The following GRID2 variants were observed in gnomAD, a reference collection of about 807,000 sequenced individuals.
The protein encoded by GRID2 is glutamate ionotropic receptor delta type subunit 2.
A neutral mutation model predicts 114.8 loss-of-function variants in GRID2; 33 were observed. The ratio of observed to expected loss-of-function variants is 0.29; its 90% CI spans 0.22 to 0.38. The LOEUF (loss-of-function observed/expected upper bound fraction) is 0.38, where lower values mean the gene tolerates loss of function less well. Ranked by LOEUF, GRID2 falls within the 10% of genes least tolerant of loss-of-function variation. The pLI, the probability that GRID2 is intolerant of heterozygous loss-of-function variation, is 1.00. For missense variants in GRID2, 1,184 were observed against 1,257.7 expected (o/e 0.94, Z 0.89); for synonymous variants, 505 against 449.9 (o/e 1.12, Z -1.55).
intron 14 of GRID2, among the ~76,000 whole-genome samples, chr4:93,680,529 A>G (rs1291139797): frequency 1.3e-5 from 2 of 151,532 alleles, no homozygotes; most frequent in Non-Finnish European, 1.5e-5. Flanking sequence ...AAAATCCTCA[A>G]TAAAATACTG....
At chr4:93,764,355 A>G (rs1733456823) in intron 14 of GRID2, among the ~76,000 whole-genome samples, 1 of 152,198 alleles carries the variant, frequency 6.6e-6, no homozygotes, top group African/African-American at 2.4e-5. Flanking sequence ...GGATGAAAAA[A>G]AGGAAATGAG....
intron 8 of GRID2, among the ~76,000 whole-genome samples, chr4:93,386,004 A>G (rs1764278361): frequency 6.6e-6 from 1 of 152,152 alleles, no homozygotes; most frequent in African/African-American, 2.4e-5. Context: ...TGTGAAAGAA[A>G]CCAAGTTTGA....
intron 1 of GRID2, among the ~76,000 whole-genome samples, chr4:92,362,331 G>A (rs2110203138): frequency 6.6e-6 from 1 of 151,526 alleles, no homozygotes; most frequent in East Asian, 1.9e-4. Flanking sequence ...GGTGATCAAA[G>A]TGGGAAGTAT....
intron 2 of GRID2, among the ~76,000 whole-genome samples, chr4:92,650,018 T>G (rs1471548217): frequency 6.6e-6 from 1 of 151,988 alleles, no homozygotes; most frequent in African/African-American, 2.4e-5. Flanking sequence ...TTTCACACCA[T>G]TGTACATTTG....
At chr4:92,750,943 T>C (rs536435595) in intron 2 of GRID2, among the ~76,000 whole-genome samples, 1 of 152,286 alleles carries the variant, frequency 6.6e-6, no homozygotes, top group South Asian at 2.1e-4. Context: ...ATATAAATAA[T>C]GAGATGATTT....
At chr4:92,979,740 G>T (rs1754079543) in intron 2 of GRID2, among the ~76,000 whole-genome samples, 1 of 152,102 alleles carries the variant, frequency 6.6e-6, no homozygotes, top group Non-Finnish European at 1.5e-5. Flanking sequence ...AACTACAAGG[G>T]TTCATGTGCC....
chr4:92,928,173 A>T (rs1274892897), intron 2 of GRID2, among the ~76,000 whole-genome samples: 1 of 151,710 alleles, frequency 6.6e-6, no homozygotes, highest in Non-Finnish European at 1.5e-5. Flanking sequence ...AAAAACCACC[A>T]GTCTATTTTA....
chr4:92,550,363 T>C (rs1022575412), intron 1 of GRID2, among the ~76,000 whole-genome samples: 6 of 152,172 alleles, frequency 3.9e-5, no homozygotes. Flanking sequence ...TAGTTTATAA[T>C]AGTATGTTAA....
intron 8 of GRID2, among the ~76,000 whole-genome samples, chr4:93,354,928 CCT>C (rs1761187303): frequency 6.8e-6 from 1 of 147,154 alleles, no homozygotes; most frequent in Admixed American, 6.9e-5. Context: ...CTGGTTGCCC[CCT>C]GAGTGTGTGA....
intron 2 of GRID2, among the ~76,000 whole-genome samples, chr4:93,000,221 T>G (rs942889421): frequency 1.3e-4 from 20 of 151,670 alleles, no homozygotes; most frequent in Non-Finnish European, 2.2e-4. Context: ...TTAGTGAGAA[T>G]AGTAACAGTG....
chr4:92,637,824 T>C (rs552421255), intron 2 of GRID2, among the ~76,000 whole-genome samples: 3 of 152,130 alleles, frequency 2.0e-5, no homozygotes, highest in African/African-American at 7.2e-5. Flanking sequence ...CTTCCTGATA[T>C]ATGTTACAAT....
chr4:92,376,674 G>T (rs755532548), intron 1 of GRID2, among the ~76,000 whole-genome samples: 1 of 152,088 alleles, frequency 6.6e-6, no homozygotes, highest in Non-Finnish European at 1.5e-5. Flanking sequence ...ACAAACTTCT[G>T]CCTGGATATC....
chr4:92,304,778 T>C lies in GRID2; in HGVS notation c.88+34T>C, dbSNP rs749365808. ...GTGTTGGTGCAGCTCGTGGTTACTT[T>C]TACCGTTTCAGTTCTCAAATGTTTC... On this transcript the variant is annotated intron_variant, in intron 1 of 15. Transcript: ENST00000282020. 9 of 1,450,314 alleles carry C rather than the reference T, an allele frequency of 6.2e-6. No homozygotes were observed. In the African/African-American group the frequency reaches 8.4e-5, roughly 13 times the overall value. The allele number at this position is 1,450,314 out of a possible 1,614,324, so 89.8% of individuals were successfully genotyped here. A position where few individuals can be genotyped will look rare whatever the true frequency, so the allele number is the denominator to read the frequency against.
At chr4:93,020,867 T>C (rs993260188) in intron 2 of GRID2, among the ~76,000 whole-genome samples, 2 of 151,954 alleles carry the variant, frequency 1.3e-5, no homozygotes, top group Non-Finnish European at 2.9e-5. Flanking sequence ...ACCCCGTCTC[T>C]ACTAAAAATA....
intron 2 of GRID2, among the ~76,000 whole-genome samples, chr4:92,974,483 T>C (rs1275115273): frequency 6.6e-6 from 1 of 152,062 alleles, no homozygotes; most frequent in Non-Finnish European, 1.5e-5. Flanking sequence ...ATGGCACATA[T>C]ACACCATGGA....
At chr4:92,963,690 G>T (rs75981225) in intron 2 of GRID2, among the ~76,000 whole-genome samples, 3,435 of 151,980 alleles carry the variant, frequency 0.023, 64 homozygotes, top group East Asian at 0.053. Flanking sequence ...TGTTGATTAT[G>T]TTGATCACCT....
At position 93,757,719 on chromosome 4, in the gene GRID2, G is replaced by T. The variant is rs547438533; in HGVS notation, c.2361-11491G>T. Among the ~76,000 whole-genome samples, 9 of 152,322 alleles carry T rather than the reference G, an allele frequency of 5.9e-5. No individual in the cohort carries two copies. In the South Asian group the frequency reaches 1.2e-3, roughly 21 times the overall value. ...GCCTATAATCCCAGCACTTTGGGAG[G>T]CAGAGGCGGGTGAATCATCTGAGGT... On this transcript the variant is annotated intron_variant, in intron 14 of 15. Transcript: ENST00000282020.
At chr4:93,234,979 C>T (rs563394487) in intron 7 of GRID2, among the ~76,000 whole-genome samples, 5 of 152,164 alleles carry the variant, frequency 3.3e-5, no homozygotes, top group African/African-American at 1.2e-4. Flanking sequence ...CTCTTAAGTT[C>T]CTTTGCCATT....
intron 2 of GRID2, among the ~76,000 whole-genome samples, chr4:92,738,603 T>C (rs1215007823): frequency 1.3e-5 from 2 of 152,152 alleles, no homozygotes; most frequent in Non-Finnish European, 2.9e-5. Context: ...GAACAGACTT[T>C]TTGCTTATAA....
Sources: gnomAD v4.1 joint callset for allele counts (sites outside exome capture counted in the v4.1 genomes callset) on GRCh38, gnomAD v4.1.1 for gene constraint, MANE v1.5 for transcripts, NCBI Gene and HGNC (gene_info 2026-07-23, HGNC 2026-07-21) for gene names.